The following TBC1D22A variants were observed in gnomAD, a reference collection of about 807,000 sequenced individuals.
TBC1D22A encodes putative GTPase activator.
A neutral mutation model predicts 60.2 loss-of-function variants in TBC1D22A; 38 were observed. The ratio of observed to expected loss-of-function variants is 0.63; its 90% CI spans 0.49 to 0.83. TBC1D22A has a LOEUF of 0.83. TBC1D22A is among the 40% of genes least tolerant of loss of function. The pLI is 0.00. For missense variants in TBC1D22A, 628 were observed against 701.0 expected, an observed-to-expected ratio of 0.90 and a Z score of 1.18; for synonymous variants, 302 against 281.7, an observed-to-expected ratio of 1.07 and a Z score of -0.72.
chr22:47,031,197 A>T (rs2062460122), intron 10 of TBC1D22A, among the ~76,000 whole-genome samples: 1 of 152,094 alleles, frequency 6.6e-6, no homozygotes, highest in African/African-American at 2.4e-5. Context: ...TCCTTTCAGG[A>T]GTTCAAGGTC....
At chr22:47,126,892 C>T (rs557493042) in intron 12 of TBC1D22A, among the ~76,000 whole-genome samples, 10 of 152,302 alleles carry the variant, frequency 6.6e-5, no homozygotes, top group African/African-American at 1.7e-4. Flanking sequence ...GAGATGGCAG[C>T]GTCTGGCTCA....
chr22:46,865,772 G>A (rs984974715), intron 4 of TBC1D22A, among the ~76,000 whole-genome samples: 7 of 152,224 alleles, frequency 4.6e-5, no homozygotes, highest in Admixed American at 1.3e-4. Flanking sequence ...ATTACTTGCT[G>A]TGGCTTTTTG....
At chr22:47,053,499 T>C (rs1267678228) in intron 11 of TBC1D22A, among the ~76,000 whole-genome samples, 2 of 152,184 alleles carry the variant, frequency 1.3e-5, no homozygotes, top group African/African-American at 4.8e-5. Flanking sequence ...TGCTCCCCAG[T>C]GCCCTTGAAG....
chr22:47,008,558 G>C (rs2061656924), intron 10 of TBC1D22A, among the ~76,000 whole-genome samples: 1 of 152,244 alleles, frequency 6.6e-6, no homozygotes. Flanking sequence ...TGTGTCCAGT[G>C]TATCTGCCCA....
At chr22:47,127,937 C>T (rs554457783) in intron 12 of TBC1D22A, among the ~76,000 whole-genome samples, 213 of 140,892 alleles carry the variant, frequency 1.5e-3, no homozygotes, top group African/African-American at 5.2e-3. Flanking sequence ...CCCACCCACC[C>T]ATCCTCTCCT....
rs2068580535 is a variant in TBC1D22A, at chr22:47,173,695, G to A, written c.*69G>A. 1.6e-5 allele frequency: 26 copies of A among 1,602,120 alleles called. No individual in the cohort carries two copies. In the South Asian group the frequency reaches 2.3e-4, roughly 14 times the overall value. ...GCCCCACCTGCCTGGCTGGTGGTAG[G>A]CCCCTGTGAGCTGGTCCCGGGCTGC... is the stretch of plus-strand genomic sequence containing the variant. On this transcript the variant is annotated 3_prime_UTR_variant, in exon 13 of 13. Coordinates refer to ENST00000337137, the MANE Select transcript of TBC1D22A (RefSeq NM_014346.5).
chr22:46,913,429 A>G (rs761696735), intron 8 of TBC1D22A: 19 of 1,365,470 alleles, frequency 1.4e-5, no homozygotes, highest in Non-Finnish European at 1.8e-5. Context: ...TATCCTCAGA[A>G]GATGAGGACA....
intron 11 of TBC1D22A, among the ~76,000 whole-genome samples, chr22:47,083,236 T>C (rs113244929): frequency 0.32 from 34 of 106 alleles, no homozygotes; most frequent in African/African-American, 0.46. Context: ...CACTGGTATA[T>C]TCAATTGCAA....
intron 10 of TBC1D22A, among the ~76,000 whole-genome samples, chr22:47,018,912 C>T (rs2061989683): frequency 6.6e-6 from 1 of 152,194 alleles, no homozygotes; most frequent in Admixed American, 6.5e-5. Context: ...CCTTTCCTTC[C>T]CCTCATCCTC....
chr22:46,973,397 A>G (rs1174466008), intron 8 of TBC1D22A, among the ~76,000 whole-genome samples: 1 of 152,188 alleles, frequency 6.6e-6, no homozygotes, highest in Non-Finnish European at 1.5e-5. Context: ...TGCGCAGGAG[A>G]GGGCCTGGCG....
intron 11 of TBC1D22A, among the ~76,000 whole-genome samples, chr22:47,099,419 C>T (rs757806791): frequency 6.6e-6 from 1 of 151,758 alleles, no homozygotes; most frequent in African/African-American, 2.4e-5. Context: ...TGAGCAGCCT[C>T]GTCCCTGCTT....
At chr22:46,968,409 A>G (rs1028832978) in intron 8 of TBC1D22A, among the ~76,000 whole-genome samples, 3 of 152,238 alleles carry the variant, frequency 2.0e-5, no homozygotes, top group African/African-American at 7.2e-5. Context: ...GAGTGGGATC[A>G]TGCGTGGACG....
intron 8 of TBC1D22A, among the ~76,000 whole-genome samples, chr22:46,928,359 G>T (rs949872765): frequency 7.2e-5 from 11 of 152,360 alleles, no homozygotes; most frequent in South Asian, 2.1e-4. Context: ...TCCTGGGACG[G>T]TTATTAGACA....
At chr22:46,784,759 C>T (rs1383616710) in intron 1 of TBC1D22A, among the ~76,000 whole-genome samples, 1 of 152,180 alleles carries the variant, frequency 6.6e-6, no homozygotes, top group Non-Finnish European at 1.5e-5. Context: ...TGTAAACGTT[C>T]ATATACAGAG....
At chr22:47,086,733 C>T (rs545621342) in intron 11 of TBC1D22A, among the ~76,000 whole-genome samples, 4 of 152,156 alleles carry the variant, frequency 2.6e-5, no homozygotes, top group East Asian at 1.9e-4. Flanking sequence ...GGCAGACAGC[C>T]GGGAGGGGAG....
chr22:46,793,387 C>G (rs2084508477), intron 2 of TBC1D22A, 114 bp from the exon 3 acceptor site: 3 of 1,004,508 alleles, frequency 3.0e-6, no homozygotes, highest in Non-Finnish European at 4.4e-6. Flanking sequence ...CTCACTATTG[C>G]TAGATCAAAG....
chr22:46,903,820 G>A (rs1003153223), intron 7 of TBC1D22A, among the ~76,000 whole-genome samples: 1 of 152,146 alleles, frequency 6.6e-6, no homozygotes, highest in Admixed American at 6.5e-5. Flanking sequence ...AGGCAGCAGT[G>A]GAGGCACTGG....
intron 4 of TBC1D22A, among the ~76,000 whole-genome samples, chr22:46,823,292 A>C (rs2085906729): frequency 6.6e-6 from 1 of 152,210 alleles, no homozygotes; most frequent in South Asian, 2.1e-4. Flanking sequence ...GATATAGAAA[A>C]GTTTAGGCTT....
At chr22:47,070,942 C>T (rs550137900) in intron 11 of TBC1D22A, among the ~76,000 whole-genome samples, 16 of 152,312 alleles carry the variant, frequency 1.1e-4, no homozygotes, top group African/African-American at 3.6e-4. Flanking sequence ...CTGACGGTCC[C>T]GGCGCTGTTC....
Sources: gnomAD v4.1 joint callset for allele counts (sites outside exome capture counted in the v4.1 genomes callset) on GRCh38, gnomAD v4.1.1 for gene constraint, MANE v1.5 for transcripts, NCBI Gene and HGNC (gene_info 2026-07-23, HGNC 2026-07-21) for gene names.